The following CASKIN1 variants were observed in gnomAD, a reference collection of about 807,000 sequenced individuals.
CASKIN1 encodes the protein caskin-1.
A neutral mutation model predicts 117.5 loss-of-function variants in CASKIN1; 42 were observed. That is an observed-to-expected ratio of 0.36 (90% CI 0.28 to 0.46). The LOEUF (loss-of-function observed/expected upper bound fraction) is 0.46, where lower values mean the gene tolerates loss of function less well. CASKIN1 is among the 20% of genes least tolerant of loss of function. The pLI is 1.00. For synonymous variants in CASKIN1, 1,148 were observed against 961.7 expected (o/e 1.19, Z -3.59); for missense variants, 2,083 against 2,077.3 (o/e 1.00, Z -0.05).
chr16:2,187,138 A>C (rs1285065494), intron 8 of CASKIN1, 28 bp downstream of exon 8: 7 of 1,613,098 alleles, frequency 4.3e-6, no homozygotes, highest in Non-Finnish European at 5.9e-6. Context: ...AGCCCCAGCC[A>C]CTGCCCCTCT....
At chr16:2,190,230 CTGCCCTCCCCCGGCACCT>C (rs1365663219) in intron 2 of CASKIN1, 59 bp downstream of exon 2, 2 of 1,597,074 alleles carry the variant, frequency 1.3e-6, no homozygotes. Flanking sequence ...TCCCGGCACC[CTGCCCTCCCCCGGCACCT>C]AGGCCTCTCT....
chr16:2,186,255 C>T (rs2093184088), intron 10 of CASKIN1, among the ~76,000 whole-genome samples: 1 of 152,216 alleles, frequency 6.6e-6, no homozygotes, highest in Non-Finnish European at 1.5e-5. Context: ...AGGCATGAGC[C>T]ACCACGCCTG....
intron 17 of CASKIN1, 84 bp downstream of exon 17, chr16:2,181,707 G>C (rs978361488): frequency 5.3e-6 from 8 of 1,498,800 alleles, no homozygotes; most frequent in South Asian, 2.4e-5. Flanking sequence ...GGGCTGGGGC[G>C]GGGCTGGGGC....
intron 1 of CASKIN1, among the ~76,000 whole-genome samples, chr16:2,195,633 C>T (rs928328948): frequency 1.8e-4 from 28 of 152,208 alleles, no homozygotes; most frequent in African/African-American, 6.0e-4. Flanking sequence ...TGGTGGTCCC[C>T]CACTCCCTCA....
Position 2,183,684 on chromosome 16 carries a change from C to T in CASKIN1, c.1591G>A (p.Gly531Ser), listed in dbSNP as rs568954331. The T allele has an allele frequency of 9.3e-6, 15 of 1,613,368 alleles. No homozygotes were observed. Among genetic ancestry groups the T allele is most frequent in the African/African-American group, 5.3e-5 (4 of 75,054 alleles). The change falls in exon 16 of 20, where the codon GGC becomes AGC. Residue 531 changes from glycine (G) to serine (S), a missense_variant. By Grantham distance (56) the Gly-to-Ser change is moderately conservative (BLOSUM62 0). Coordinates refer to ENST00000343516, the MANE Select transcript of CASKIN1 (RefSeq NM_020764.4). ...HRKKIAAEISGLSIPDWLPEH... is the reference protein window; with the variant it reads ...HRKKIAAEISSLSIPDWLPEH... ...GGCAGCCAGTCAGGGATGCTTAGGC[C>T]GCTGATCTCTGCCGCGATCTTCTTC...
At chr16:2,185,076 C>T in intron 12 of CASKIN1, 35 bp downstream of exon 12, 1 of 1,607,270 alleles carries the variant, frequency 6.2e-7, no homozygotes, top group South Asian at 1.1e-5. Flanking sequence ...GCTCCCAGCC[C>T]TGGCCACCCT....
Position 2,190,130 on chromosome 16 carries a change from C to G in CASKIN1, c.187G>C (p.Glu63Gln). The change falls in exon 3 of 20, where the codon GAA becomes CAA. Residue 63 changes from glutamate to glutamine, a missense_variant. Glu to Gln is a conservative substitution (Grantham distance 29). Coordinates refer to ENST00000343516, the MANE Select transcript of CASKIN1 (RefSeq NM_020764.4). ...GCCTCCAGCAGCAGGCTGATCAATT[C>G]CGTGTTGCCGTTCAGGGCCGCATGG... ...LHHAALNGNT[E>Q]LISLLLEAQA... 1 of 1,611,982 alleles carries G rather than the reference C, an allele frequency of 6.2e-7. No individual in the cohort carries two copies. Among genetic ancestry groups the G allele is most frequent in the Non-Finnish European group, 8.5e-7 (1 of 1,179,258 alleles).
rs776373399 is a variant in CASKIN1, at chr16:2,181,127, G to T, written c.2241C>A (p.His747Gln). ...CGCTGGCCCTCTTGATGCTGTGGCC[G>T]TGGCGGCCGGGCCGGGCCTCCCTGG... ...TPPREARPGR[H>Q]GHSIKRASVP... The change falls in exon 18 of 20, where the codon CAC becomes CAA. Residue 747 changes from histidine (H) to glutamine (Q), a missense_variant. This residue lies in a region of CASKIN1 where 1,818 missense variants were observed against 1,688.9 expected (regional missense o/e 1.08). Coordinates refer to ENST00000343516, the MANE Select transcript of CASKIN1 (RefSeq NM_020764.4). The T allele has an allele frequency of 1.4e-6, 2 of 1,478,498 alleles. No homozygotes were observed. Among genetic ancestry groups the T allele is most frequent in the Non-Finnish European group, 1.8e-6 (2 of 1,123,728 alleles). 91.6% of individuals were successfully genotyped at this position (1,478,498 alleles called of 1,614,324 possible). A position where few individuals can be genotyped will look rare whatever the true frequency, so the allele number is the denominator to read the frequency against.
intron 14 of CASKIN1, 77 bp from the exon 15 acceptor site, chr16:2,184,018 T>A (rs2093176176): frequency 2.0e-6 from 2 of 999,432 alleles, no homozygotes; most frequent in Admixed American, 5.3e-5. Context: ...CTCCTCTGCT[T>A]GGCCGGCCAG....
intron 1 of CASKIN1, among the ~76,000 whole-genome samples, chr16:2,194,649 T>G (rs1596696127): frequency 6.6e-6 from 1 of 152,210 alleles, no homozygotes; most frequent in African/African-American, 2.4e-5. Context: ...CATGGAGGGA[T>G]TTCTCCTCTG....
rs754489782 is a variant in CASKIN1 at position 2,184,833 on chromosome 16, C to T, written c.1360G>A (p.Gly454Arg). 32 of 1,557,096 alleles carry T rather than the reference C, an allele frequency of 2.1e-5. No individual in the cohort carries two copies. The highest frequency in any genetic ancestry group is 1.7e-4 in the Middle Eastern group (1 of 5,836). The change falls in exon 14 of 20, where the codon GGG becomes AGG. Residue 454 changes from glycine to arginine, a missense_variant. Around this residue, in one of 3 missense-constraint regions of CASKIN1, gnomAD observed 1,818 missense variants for 1,688.9 expected, o/e 1.08. Transcript: ENST00000343516. The part of the protein sequence containing the change: ...ARSQPPVAHA[G>R]QVYGEQPPKK... ...GGCGGCTGCTCCCCATAGACCTGCC[C>T]GGCGTGGGCCACTGGAGGCTGGGAC...
rs1037906253 is a variant in CASKIN1 at position 2,181,507 on chromosome 16, T to G, written c.1861A>C (p.Lys621Gln). ...AKYEGGPLRRKAPQSLEVMAI... is the reference protein window; with the variant it reads ...AKYEGGPLRRQAPQSLEVMAI... Reference sequence around the variant, plus strand: ...ATCACTTCAAGAGACTGGGGCGCCTTCCGGCGCAGGGGGCCCCCCTCATAC... The same window carrying G: ...ATCACTTCAAGAGACTGGGGCGCCTGCCGGCGCAGGGGGCCCCCCTCATAC... The change falls in exon 18 of 20, where the codon AAG becomes CAG. Residue 621 changes from lysine to glutamine, a missense_variant. Lys to Gln is a moderately conservative substitution (Grantham distance 53, BLOSUM62 1). Coordinates refer to ENST00000343516, the MANE Select transcript of CASKIN1 (RefSeq NM_020764.4). 6.2e-7 allele frequency: 1 copy of G among 1,609,868 alleles called. No individual in the cohort carries two copies. Among genetic ancestry groups the G allele is most frequent in the Non-Finnish European group, 8.5e-7 (1 of 1,179,296 alleles).
intron 6 of CASKIN1, chr16:2,188,822 A>T: frequency 4.6e-6 from 3 of 658,752 alleles, no homozygotes; most frequent in Non-Finnish European, 7.5e-6. Flanking sequence ...GGGCTGGGAC[A>T]GAGACGTCGC....
intron 1 of CASKIN1, among the ~76,000 whole-genome samples, chr16:2,191,511 T>A (rs1031375326): frequency 3.9e-5 from 6 of 152,214 alleles, no homozygotes; most frequent in Admixed American, 6.5e-5. Context: ...CCCGGAGGTG[T>A]GAGAGCATTC....
At position 2,180,122 on chromosome 16, in the gene CASKIN1, C is replaced by T; in HGVS notation, c.3246G>A (p.Gly1082=). ...GLLATARRGP[G]ESADPGPFVE... ...CAAAGGGGCCTGGGTCTGCCGACTCCCCAGGCCCCCGGCGGGCAGTGGCCA... is the reference window on the plus strand; with the variant it reads ...CAAAGGGGCCTGGGTCTGCCGACTCTCCAGGCCCCCGGCGGGCAGTGGCCA... Residue 1082 remains glycine, a synonymous_variant, in exon 18 of 20, where the codon GGG becomes GGA. Coordinates refer to ENST00000343516, the MANE Select transcript of CASKIN1 (RefSeq NM_020764.4). 1.3e-6 allele frequency: 2 copies of T among 1,553,282 alleles called. No homozygotes were observed. The highest frequency in any genetic ancestry group is 1.7e-6 in the Non-Finnish European group (2 of 1,150,192).
chr16:2,185,843 G>A (rs1441842770), intron 10 of CASKIN1, among the ~76,000 whole-genome samples: 1 of 152,232 alleles, frequency 6.6e-6, no homozygotes, highest in Admixed American at 6.5e-5. Flanking sequence ...GCCACATGGG[G>A]CTTCACAGCC....
rs2093198099 is a variant in CASKIN1, at chr16:2,190,336, C to G, written c.117G>C (p.Lys39Asn). ...GKAKLLGSTK[K>N]INVNFQDPDG... ...CCGGGTCCTGGAAGTTGACATTGAT[C>G]TTCTTGGTGGAACCCAGGAGCTCTG... The change falls in exon 2 of 20, where the codon AAG (lysine) becomes AAC (asparagine). Residue 39 changes from lysine (K) to asparagine (N), a missense_variant. Lys to Asn is a moderately conservative substitution (Grantham distance 94). Around this residue, in one of 3 missense-constraint regions of CASKIN1, gnomAD observed 203 missense variants for 338.7 expected, o/e 0.60. Transcript: ENST00000343516. The G allele has an allele frequency of 6.3e-7, 1 of 1,576,132 alleles. No individual in the cohort carries two copies.
rs565547183 is a variant in CASKIN1 at position 2,178,482 on chromosome 16, C to T, written c.*68G>A. ...CGCTCGCGCCGCGCCCAGACGCGCC[C>T]ATCCTGAGGTATAGGTCAGTGTGCG... On this transcript the variant is annotated 3_prime_UTR_variant, in exon 20 of 20. Transcript: ENST00000343516. 7 of 1,287,704 alleles carry T rather than the reference C, an allele frequency of 5.4e-6. No homozygotes were observed. The highest frequency in any genetic ancestry group is 1.6e-5 in the African/African-American group (1 of 63,528). The allele number at this position is 1,287,704 out of a possible 1,614,324, so 79.8% of individuals were successfully genotyped here. A position where few individuals can be genotyped will look rare whatever the true frequency, so the allele number is the denominator to read the frequency against.
chr16:2,189,967 C>T (rs1374589020), intron 3 of CASKIN1, 106 bp downstream of exon 3: 1 of 1,087,820 alleles, frequency 9.2e-7, no homozygotes, highest in African/African-American at 1.6e-5. Context: ...TGAAATCAGA[C>T]TGAGACCCTG....
Sources: allele counts gnomAD v4.1 joint callset (sites outside exome capture counted in the v4.1 genomes callset), GRCh38; gene constraint gnomAD v4.1.1; regional missense constraint gnomAD v4.1.1; transcripts MANE v1.5; gene names NCBI Gene and HGNC (gene_info 2026-07-23, HGNC 2026-07-21).